INPP5A: variants seen among roughly 807,000 people sequenced by gnomAD.
INPP5A encodes inositol polyphosphate-5-phosphatase A, also known as 43 kDa inositol polyphosphate 5-phophatase.
INPP5A carries 14 observed loss-of-function variants against 65.2 expected under a neutral mutation model. That is an observed-to-expected ratio of 0.21 (90% CI 0.14 to 0.34). The LOEUF (loss-of-function observed/expected upper bound fraction) is 0.34, where lower values mean the gene tolerates loss of function less well. INPP5A is among the 10% of genes least tolerant of loss of function. The pLI is 1.00. For missense variants in INPP5A, 431 were observed against 545.6 expected (o/e 0.79, Z 2.09); for synonymous variants, 207 against 208.3 (o/e 0.99, Z 0.05).
chr10:132,579,850 G>A (rs1271186960), intron 1 of INPP5A, among the ~76,000 whole-genome samples: 3 of 152,024 alleles, frequency 2.0e-5, no homozygotes, highest in Non-Finnish European at 2.9e-5. Flanking sequence ...CCTCTCCGTG[G>A]CGCCTGGTTC....
intron 8 of INPP5A, among the ~76,000 whole-genome samples, chr10:132,714,668 G>C (rs1845708970): frequency 6.6e-6 from 1 of 152,114 alleles, no homozygotes; most frequent in African/African-American, 2.4e-5. Context: ...AGGCACCGTA[G>C]GACCTTCGCA....
At chr10:132,769,341 C>A (rs963515396) in intron 12 of INPP5A, among the ~76,000 whole-genome samples, 1 of 152,184 alleles carries the variant, frequency 6.6e-6, no homozygotes, top group African/African-American at 2.4e-5. Context: ...CTGTTTGAGG[C>A]GGTCAGGAGC....
Position 132,676,906 on chromosome 10 carries a change from C to CTGTCCTCAACTGCAGACCCACAGGTTTT in INPP5A, c.307-13486_307-13485insTGTCCTCAACTGCAGACCCACAGGTTTT, listed in dbSNP as rs1564959930. ...AGTCTTCCCCAGCTTTGAGGCCCAT[C>CTGTCCTCAACTGCAGACCCACAGGTTTT]CACATGGTGACCCCCACCGTCACCC... On this transcript the variant is annotated intron_variant, in intron 4 of 15. Transcript: ENST00000368594. The surrounding 1 kb of genome is among the most constrained non-coding windows in gnomAD (Gnocchi z 4.0). Among the ~76,000 whole-genome samples the CTGTCCTCAACTGCAGACCCACAGGTTTT allele has an allele frequency of 6.6e-6, 1 of 152,024 alleles. No homozygotes were observed. The highest frequency in any genetic ancestry group is 1.5e-5 in the Non-Finnish European group (1 of 67,928).
chr10:132,723,479 GC>G (rs1845925127), intron 8 of INPP5A, among the ~76,000 whole-genome samples: 1 of 142,056 alleles, frequency 7.0e-6, no homozygotes, highest in Non-Finnish European at 1.5e-5. Context: ...GTGGGGATTG[GC>G]CGTGTGGGGA....
At chr10:132,734,131 C>A (rs972802837) in intron 9 of INPP5A, among the ~76,000 whole-genome samples, 1 of 152,238 alleles carries the variant, frequency 6.6e-6, no homozygotes, top group African/African-American at 2.4e-5. Context: ...CAGTGCCATG[C>A]CCGTGCAGCC....
At chr10:132,601,888 C>T (rs1260331986) in intron 1 of INPP5A, among the ~76,000 whole-genome samples, 4 of 152,200 alleles carry the variant, frequency 2.6e-5, no homozygotes, top group African/African-American at 9.7e-5. Flanking sequence ...TAGTAAGTTC[C>T]ACATAAGGAA....
At chr10:132,562,537 C>T (rs1387829155) in intron 1 of INPP5A, among the ~76,000 whole-genome samples, 2 of 152,260 alleles carry the variant, frequency 1.3e-5, no homozygotes, top group African/African-American at 4.8e-5. Context: ...CTCTGCATGA[C>T]AGGCAGAGAC....
In INPP5A at chr10:132,538,274, A is replaced by ACCCAGAGGCCCCAGAGGC. The variant is rs371807331; in HGVS notation, c.75+118_75+119insGGCCCCAGAGGCCCCAGA. ...TGGACCCTGGACCGTGAACCTCCAGACCCAGAGGCCCCAGACTCTGATCCC... is the reference window on the plus strand; with the variant it reads ...TGGACCCTGGACCGTGAACCTCCAGACCCAGAGGCCCCAGAGGCCCCAGAGGCCCCAGACTCTGATCCC... On this transcript the variant is annotated intron_variant, in intron 1 of 15. Coordinates refer to ENST00000368594, the MANE Select transcript of INPP5A (RefSeq NM_005539.5). This position sits in a 1 kb window ranked among gnomAD's most constrained non-coding sequence, Gnocchi z 4.1. The ACCCAGAGGCCCCAGAGGC allele has an allele frequency of 9.7e-6, 5 of 513,824 alleles. No individual in the cohort carries two copies. The highest frequency in any genetic ancestry group is 1.4e-5 in the Non-Finnish European group (5 of 357,342). The allele number at this position is 513,824 out of a possible 1,614,324, so 31.8% of individuals were successfully genotyped here. A position where few individuals can be genotyped will look rare whatever the true frequency, so the allele number is the denominator to read the frequency against.
intron 11 of INPP5A, 75 bp from the exon 12 acceptor site, chr10:132,765,698 A>G: frequency 4.6e-6 from 4 of 865,812 alleles, no homozygotes; most frequent in South Asian, 4.0e-5. Context: ...TGAGCGTCCC[A>G]GCTGCACACA....
intron 12 of INPP5A, among the ~76,000 whole-genome samples, chr10:132,768,878 C>T (rs969220836): frequency 6.6e-6 from 1 of 152,264 alleles, no homozygotes; most frequent in Admixed American, 6.5e-5. Flanking sequence ...CCACAGTCCC[C>T]GCCCTGGTTT....
intron 1 of INPP5A, among the ~76,000 whole-genome samples, chr10:132,578,707 C>T (rs1221106440): frequency 2.7e-5 from 4 of 150,248 alleles, no homozygotes; most frequent in East Asian, 4.0e-4. Context: ...TCCAGGACAC[C>T]CAGAAGAGTA....
chr10:132,596,497 A>C (rs1374809011), intron 1 of INPP5A, among the ~76,000 whole-genome samples: 2 of 149,888 alleles, frequency 1.3e-5, no homozygotes, highest in Non-Finnish European at 3.0e-5. Context: ...GCACCATCTC[A>C]GCTCACTGCA....
At chr10:132,618,310 C>G (rs775452988) in intron 2 of INPP5A, among the ~76,000 whole-genome samples, 13 of 152,224 alleles carry the variant, frequency 8.5e-5, no homozygotes, top group South Asian at 2.1e-4. Context: ...GGATGCAAGG[C>G]TGGCACTGTC....
Position 132,762,119 on chromosome 10 carries a change from A to T in INPP5A, c.904-3654A>T, listed in dbSNP as rs1286769895. On this transcript the variant is annotated intron_variant, in intron 11 of 15. Coordinates refer to ENST00000368594, the MANE Select transcript of INPP5A (RefSeq NM_005539.5). The surrounding 1 kb of genome is among the most constrained non-coding windows in gnomAD (Gnocchi z 4.6). ...GAATGCAGCACAGAAACGTGGCAGG[A>T]TGGGACAGGAGGGTCGGGGCTGGGA... 6.6e-6 allele frequency among the ~76,000 whole-genome samples: 1 copy of T among 152,144 alleles called. No individual in the cohort carries two copies. Among genetic ancestry groups the T allele is most frequent in the Admixed American group, 6.5e-5 (1 of 15,268 alleles).
intron 8 of INPP5A, among the ~76,000 whole-genome samples, chr10:132,712,199 G>T (rs1845648931): frequency 6.6e-6 from 1 of 152,258 alleles, no homozygotes; most frequent in Non-Finnish European, 1.5e-5. Context: ...GTGTGCATGT[G>T]TGTGCCTGTG....
At chr10:132,751,302 C>G (rs2134640568) in intron 11 of INPP5A, among the ~76,000 whole-genome samples, 1 of 152,350 alleles carries the variant, frequency 6.6e-6, no homozygotes, top group East Asian at 1.9e-4. Context: ...GGGGTCGGGT[C>G]AGGCCTTGGT....
At chr10:132,671,497 T>A (rs1159421660) in intron 4 of INPP5A, among the ~76,000 whole-genome samples, 1 of 152,176 alleles carries the variant, frequency 6.6e-6, no homozygotes, top group Non-Finnish European at 1.5e-5. Flanking sequence ...CCACCCTTTC[T>A]GCTTCGGTAT....
chr10:132,752,708 G>A (rs1846518036), intron 11 of INPP5A, among the ~76,000 whole-genome samples: 2 of 149,214 alleles, frequency 1.3e-5, no homozygotes, highest in South Asian at 4.3e-4. Flanking sequence ...GGTGCGGCGT[G>A]GAGGCGGTGC....
At chr10:132,709,666 A>AGAC (rs1845601483) in intron 7 of INPP5A, among the ~76,000 whole-genome samples, 1 of 152,134 alleles carries the variant, frequency 6.6e-6, no homozygotes, top group Non-Finnish European at 1.5e-5. Context: ...CCTGGTAGGG[A>AGAC]GACGGCCAGG....
Sources: allele counts gnomAD v4.1 joint callset (sites outside exome capture counted in the v4.1 genomes callset), GRCh38; gene constraint gnomAD v4.1.1; non-coding constraint Gnocchi (gnomAD v3.1); transcripts MANE v1.5; gene names NCBI Gene and HGNC (gene_info 2026-07-23, HGNC 2026-07-21).